The following GPR157 variants were observed in gnomAD, a reference collection of about 807,000 sequenced individuals.
GPR157 encodes the protein G protein-coupled receptor 157, also known as G-protein coupled receptor 157.
Under a neutral mutation model 23.5 loss-of-function variants are expected in GPR157, and 16 were observed. The ratio of observed to expected loss-of-function variants is 0.68; its 90% CI spans 0.46 to 1.04. The LOEUF (loss-of-function observed/expected upper bound fraction) is 1.04. Ranked by LOEUF, GPR157 falls within the 50% of genes least tolerant of loss-of-function variation. The pLI is 0.00. For synonymous variants in GPR157, 200 were observed against 221.5 expected (o/e 0.90, Z 0.86); for missense variants, 440 against 460.7 (o/e 0.96, Z 0.41).
At chr1:9,110,082 C>G (rs142865623) in intron 2 of GPR157, among the ~76,000 whole-genome samples, 1 of 152,314 alleles carries the variant, frequency 6.6e-6, no homozygotes, top group Non-Finnish European at 1.5e-5. Flanking sequence ...ACCTATCTTA[C>G]TGCCCCAGCC....
rs993180095 is a variant in GPR157 at position 9,105,237 on chromosome 1, A to G, written c.792+249T>C. ...GCTGGGAAGGACCCAAGATCAGTCA[A>G]CTCTCCTAGGGCTACTCCTAGGTCA... On this transcript the variant is annotated intron_variant, in intron 3 of 3. Transcript: ENST00000377411. The surrounding 1 kb of genome is among the most constrained non-coding windows in gnomAD (Gnocchi z 4.8). 6.6e-6 allele frequency among the ~76,000 whole-genome samples: 1 copy of G among 151,192 alleles called. No homozygotes were observed. Among genetic ancestry groups the G allele is most frequent in the Non-Finnish European group, 1.5e-5 (1 of 67,818 alleles).
Position 9,111,270 on chromosome 1 carries a change from G to A in GPR157, c.597+6C>T, listed in dbSNP as rs375894436. ...GAGGGCCCTGAGCTCTAAGGGCAGC[G>A]CCTACCGCTCTGTTGATGTGCTTCC... On this transcript the variant is annotated splice_donor_region_variant and intron_variant, in intron 2 of 3. Transcript: ENST00000377411. The A allele has an allele frequency of 4.4e-5, 71 of 1,613,546 alleles. No homozygotes were observed. Among genetic ancestry groups the A allele is most frequent in the Admixed American group, 1.0e-4 (6 of 60,000 alleles).
chr1:9,125,047 T>G (rs1638935994), intron 1 of GPR157, among the ~76,000 whole-genome samples: 1 of 151,924 alleles, frequency 6.6e-6, no homozygotes, highest in Non-Finnish European at 1.5e-5. Flanking sequence ...CTTGTGTGTG[T>G]CTATTATTTC....
intron 1 of GPR157, among the ~76,000 whole-genome samples, chr1:9,119,671 A>G (rs1638759068): frequency 6.6e-6 from 1 of 152,122 alleles, no homozygotes; most frequent in South Asian, 2.1e-4. Context: ...GTCAGGGATG[A>G]CTTGGAAACT....
chr1:9,104,397 C>A lies in GPR157; in HGVS notation c.*22G>T, dbSNP rs778187516. The A allele has an allele frequency of 1.3e-6, 2 of 1,596,922 alleles. No homozygotes were observed. Among genetic ancestry groups the A allele is most frequent in the African/African-American group, 2.7e-5 (2 of 74,502 alleles). The stretch of plus-strand genomic sequence containing the variant: ...CCCCCAGGAAGGCAGCACCTATGCA[C>A]AGAACTAGAAAGGACAAAAGCTCAG... On this transcript the variant is annotated 3_prime_UTR_variant, in exon 4 of 4. Transcript: ENST00000377411.
At chr1:9,123,192 T>TATATATATATATATATATAA (rs1389305702) in intron 1 of GPR157, among the ~76,000 whole-genome samples, 11 of 127,202 alleles carry the variant, frequency 8.6e-5, no homozygotes, top group African/African-American at 3.4e-4. Context: ...TATATATATA[T>TATATATATATATATATATAA]AAATAAAATT....
Position 9,104,603 on chromosome 1 carries a change from T to G in GPR157, c.824A>C (p.Asn275Thr). ...GGTGCAGAGGACGAACATGATGCAG[T>G]TGGCACCTCCCTGAAACGTGTTCCC... is the stretch of plus-strand genomic sequence containing the variant. The part of the protein sequence containing the change: ...GIGNTFQGGA[N>T]CIMFVLCTRA... Residue 275 changes from asparagine (N) to threonine (T), a missense_variant, in exon 4 of 4, where the codon AAC becomes ACC. Coordinates refer to ENST00000377411, the MANE Select transcript of GPR157 (RefSeq NM_024980.5). The G allele has an allele frequency of 6.2e-7, 1 of 1,611,664 alleles. No homozygotes were observed. The highest frequency in any genetic ancestry group is 8.5e-7 in the Non-Finnish European group (1 of 1,178,820).
At chr1:9,114,552 C>T (rs12746045) in intron 1 of GPR157, among the ~76,000 whole-genome samples, 16,792 of 152,042 alleles carry the variant, frequency 0.11, 1,023 homozygotes, top group Middle Eastern at 0.2. Context: ...GGGAGGGTCA[C>T]GGTCGGCACA....
At chr1:9,111,831 G>A (rs1026411615) in intron 1 of GPR157, among the ~76,000 whole-genome samples, 1 of 152,174 alleles carries the variant, frequency 6.6e-6, no homozygotes, top group African/African-American at 2.4e-5. Context: ...TTAGCTGGGC[G>A]TGGTGGTGCA....
chr1:9,123,591 T>TTAAATATATTTTA (rs1491194805), intron 1 of GPR157, among the ~76,000 whole-genome samples: 37 of 29,958 alleles, frequency 1.2e-3, no homozygotes, highest in Admixed American at 1.9e-3. Context: ...TATTTAATAT[T>TTAAATATATTTTA]AATGTATATT....
chr1:9,109,271 C>T lies in GPR157; in HGVS notation c.597+2005G>A, dbSNP rs529045944. ...CTAATTTTTGTATTTTTATTAGAAA[C>T]GGGGTTTCACCATGTTGGCCAGGCT... On this transcript the variant is annotated intron_variant, in intron 2 of 3. Transcript: ENST00000377411. Among the ~76,000 whole-genome samples, 8 of 151,458 alleles carry T rather than the reference C, an allele frequency of 5.3e-5. No individual in the cohort carries two copies. The South Asian group carries it at 6.2e-4, about 12-fold the overall frequency.
At chr1:9,114,920 C>CAAAAAAAAAAAA (rs70985588) in intron 1 of GPR157, among the ~76,000 whole-genome samples, 1 of 85,508 alleles carries the variant, frequency 1.2e-5, no homozygotes. Flanking sequence ...GACTCCGTCT[C>CAAAAAAAAAAAA]AAAAAAAAAA....
intron 1 of GPR157, among the ~76,000 whole-genome samples, chr1:9,113,980 C>CAG (rs1638577251): frequency 1.3e-5 from 2 of 149,566 alleles, no homozygotes; most frequent in Non-Finnish European, 3.0e-5. Context: ...CACACACACA[C>CAG]ACACACACAC....
chr1:9,105,135 T>C lies in GPR157; in HGVS notation c.792+351A>G, dbSNP rs894271686. Reference sequence around the variant, plus strand: ...GGGAAGTGCTGTGTACCCCAGAACCTCCCCCCATCCTCCCCGCCATGGCTG... The same window carrying C: ...GGGAAGTGCTGTGTACCCCAGAACCCCCCCCCATCCTCCCCGCCATGGCTG... On this transcript the variant is annotated intron_variant, in intron 3 of 3. Transcript: ENST00000377411. The surrounding 1 kb of genome is among the most constrained non-coding windows in gnomAD (Gnocchi z 4.8). Among the ~76,000 whole-genome samples the C allele has an allele frequency of 6.9e-6, 1 of 144,322 alleles. No individual in the cohort carries two copies. The highest frequency in any genetic ancestry group is 1.5e-5 in the Non-Finnish European group (1 of 66,292). 94.7% of individuals were successfully genotyped at this position (144,322 alleles called of 152,430 possible).
At chr1:9,123,718 AT>A (rs1436409652) in intron 1 of GPR157, among the ~76,000 whole-genome samples, 141 of 124,422 alleles carry the variant, frequency 1.1e-3, no homozygotes, top group African/African-American at 4.2e-3. Flanking sequence ...ATATGTATTT[AT>A]ATATAATTTT....
chr1:9,105,685 G>C lies in GPR157; in HGVS notation c.598-5C>G. On this transcript the variant is annotated splice_polypyrimidine_tract_variant and splice_region_variant and intron_variant, in intron 2 of 3. Transcript: ENST00000377411. This position sits in a 1 kb window ranked among gnomAD's most constrained non-coding sequence, Gnocchi z 4.8. ...GTACTCAGAGAGTGCCGTGTGCTGT[G>C]TGGGGACAGCGAGGGCAGACTTGAG... is the stretch of plus-strand genomic sequence containing the variant. 6.3e-7 allele frequency: 1 copy of C among 1,599,042 alleles called. No individual in the cohort carries two copies.
chr1:9,114,448 A>C (rs1370921798), intron 1 of GPR157, among the ~76,000 whole-genome samples: 1 of 151,948 alleles, frequency 6.6e-6, no homozygotes, highest in Non-Finnish European at 1.5e-5. Flanking sequence ...TCTGGGAAGG[A>C]GGTGAGCACT....
intron 2 of GPR157, among the ~76,000 whole-genome samples, chr1:9,110,611 G>A (rs1235433089): frequency 6.6e-6 from 1 of 152,194 alleles, no homozygotes; most frequent in Non-Finnish European, 1.5e-5. Context: ...GCCTTTTGCA[G>A]GCGTTTGCTT....
intron 2 of GPR157, among the ~76,000 whole-genome samples, chr1:9,107,035 T>C (rs1230067723): frequency 6.6e-6 from 1 of 152,118 alleles, no homozygotes; most frequent in Non-Finnish European, 1.5e-5. Context: ...ATCCTCACGT[T>C]CCGCTTTTTA....
Sources: gnomAD v4.1 joint callset for allele counts (sites outside exome capture counted in the v4.1 genomes callset) on GRCh38, gnomAD v4.1.1 for gene constraint, Gnocchi (gnomAD v3.1) non-coding constraint, MANE v1.5 for transcripts, NCBI Gene and HGNC (gene_info 2026-07-23, HGNC 2026-07-21) for gene names.